The following CEP89 variants were observed in gnomAD, a reference collection of about 807,000 sequenced individuals.
The protein encoded by CEP89 is centrosomal protein of 89 kDa.
In CEP89, 95 loss-of-function variants were observed where a neutral mutation model predicts 97.6. That is an observed-to-expected ratio of 0.97 (90% CI 0.82 to 1.15). The LOEUF is 1.15. Ranked by LOEUF, CEP89 falls within the 50% of genes most tolerant of loss-of-function variation. CEP89 has a pLI of 0.00. For missense variants in CEP89, 869 were observed against 947.7 expected, an observed-to-expected ratio of 0.92 and a Z score of 1.09; for synonymous variants, 354 against 349.1, an observed-to-expected ratio of 1.01 and a Z score of -0.16.
At chr19:32,912,552 A>G (rs1970023283) in intron 14 of CEP89, among the ~76,000 whole-genome samples, 1 of 152,096 alleles carries the variant, frequency 6.6e-6, no homozygotes, top group Admixed American at 6.6e-5. Flanking sequence ...GTGTGAGCCA[A>G]TTTTTAAAAG....
At chr19:32,952,480 TTTAA>T (rs1271806347) in intron 4 of CEP89, among the ~76,000 whole-genome samples, 1 of 138,884 alleles carries the variant, frequency 7.2e-6, no homozygotes, top group East Asian at 2.2e-4. Context: ...CCCATCTCAA[TTTAA>T]AAAAAAAAAA....
At chr19:32,949,867 G>A (rs920809272) in intron 4 of CEP89, among the ~76,000 whole-genome samples, 2 of 152,124 alleles carry the variant, frequency 1.3e-5, no homozygotes, top group African/African-American at 4.8e-5. Context: ...CTAGCAAGAC[G>A]CCCATGAGAA....
chr19:32,888,916 T>C (rs1402476931), intron 16 of CEP89, among the ~76,000 whole-genome samples: 1 of 151,878 alleles, frequency 6.6e-6, no homozygotes, highest in Non-Finnish European at 1.5e-5. Context: ...CTCAAGAGAT[T>C]CTCCTGCCTC....
At chr19:32,951,549 ACACACACACACACACACG>A (rs1970918056) in intron 4 of CEP89, among the ~76,000 whole-genome samples, 1 of 150,616 alleles carries the variant, frequency 6.6e-6, no homozygotes, top group Non-Finnish European at 1.5e-5. Context: ...ACACACACAC[ACACACACACACACACACG>A]CACACTACTA....
chr19:32,949,337 AG>A (rs1970863555), intron 4 of CEP89, among the ~76,000 whole-genome samples: 2 of 152,140 alleles, frequency 1.3e-5, no homozygotes, highest in African/African-American at 4.8e-5. Context: ...GCCTGGGGGT[AG>A]GGACAGAGGC....
chr19:32,929,314 A>G (rs1970422532), intron 9 of CEP89, among the ~76,000 whole-genome samples: 1 of 152,144 alleles, frequency 6.6e-6, no homozygotes, highest in Non-Finnish European at 1.5e-5. Flanking sequence ...TTTAAAAGAG[A>G]GAGAGGGCCG....
chr19:32,950,184 A>G (rs1456294700), intron 4 of CEP89, among the ~76,000 whole-genome samples: 1 of 152,090 alleles, frequency 6.6e-6, no homozygotes, highest in African/African-American at 2.4e-5. Flanking sequence ...TCCCAGGAAC[A>G]AACTTCCTTG....
intron 5 of CEP89, among the ~76,000 whole-genome samples, chr19:32,946,964 G>A (rs1970810677): frequency 6.6e-6 from 1 of 151,960 alleles, no homozygotes; most frequent in Admixed American, 6.6e-5. Context: ...TATTACTTTT[G>A]TAATTTAAAA....
chr19:32,918,878 C>CTTTTCTT lies in CEP89; in HGVS notation c.1269-540_1269-539insAAGAAAA, dbSNP rs1568559832. Among the ~76,000 whole-genome samples, 4 of 110,844 alleles carry CTTTTCTT rather than the reference C, an allele frequency of 3.6e-5. 1 individual carries two copies. The highest frequency in any genetic ancestry group is 5.8e-5 in the Non-Finnish European group (3 of 51,488). 72.7% of individuals were successfully genotyped at this position (110,844 alleles called of 152,430 possible). A position where few individuals can be genotyped will look rare whatever the true frequency, so the allele number is the denominator to read the frequency against. ...GGTTTCTTTTTTCTTTTTTCTTTTT[C>CTTTTCTT]TTTTTCTTTTTTTTTTTTTTTTTTG... On this transcript the variant is annotated intron_variant, in intron 12 of 18. Coordinates refer to ENST00000305768, the MANE Select transcript of CEP89 (RefSeq NM_032816.5).
chr19:32,966,262 C>T lies in CEP89; in HGVS notation c.146+98G>A, dbSNP rs1384185843. On this transcript the variant is annotated intron_variant, in intron 2 of 18. Coordinates refer to ENST00000305768, the MANE Select transcript of CEP89 (RefSeq NM_032816.5). Reference sequence around the variant, plus strand: ...TTTGAAGGACATGATTCTAACCACCCTACTTATACTTTTCTGGGCAGTTTG... The same window carrying T: ...TTTGAAGGACATGATTCTAACCACCTTACTTATACTTTTCTGGGCAGTTTG... 3.9e-6 allele frequency: 2 copies of T among 513,728 alleles called. No individual in the cohort carries two copies. Among genetic ancestry groups the T allele is most frequent in the African/African-American group, 3.9e-5 (2 of 50,712 alleles). 31.8% of individuals were successfully genotyped at this position (513,728 alleles called of 1,614,324 possible).
chr19:32,897,810 C>T (rs937928587), intron 16 of CEP89, among the ~76,000 whole-genome samples: 1 of 152,174 alleles, frequency 6.6e-6, no homozygotes, highest in Non-Finnish European at 1.5e-5. Flanking sequence ...GATCCTCCCA[C>T]CTCAGTTTCT....
At chr19:32,906,638 G>C (rs1012985231) in intron 14 of CEP89, among the ~76,000 whole-genome samples, 3 of 151,458 alleles carry the variant, frequency 2.0e-5, no homozygotes, top group Admixed American at 2.0e-4. Context: ...CCCCTCCTCA[G>C]GGGCCTCCCT....
Position 32,926,859 on chromosome 19 carries a change from G to A in CEP89, c.1080+75C>T, listed in dbSNP as rs971067960. ...TTACAGACATGAGCCACCGCGCCTG[G>A]CCTGAAATGGTTTTTAATAGCTATG... On this transcript the variant is annotated intron_variant, in intron 10 of 18. Transcript: ENST00000305768. 1.2e-5 allele frequency: 16 copies of A among 1,322,638 alleles called. No homozygotes were observed. The African/African-American group carries it at 1.5e-4, about 12-fold the overall frequency. The allele number at this position is 1,322,638 out of a possible 1,614,324, so 81.9% of individuals were successfully genotyped here. A position where few individuals can be genotyped will look rare whatever the true frequency, so the allele number is the denominator to read the frequency against.
chr19:32,902,002 C>CTGTGTG (rs1471468250), intron 14 of CEP89, among the ~76,000 whole-genome samples: 3 of 104,974 alleles, frequency 2.9e-5, no homozygotes, highest in Admixed American at 2.5e-4. Context: ...CTCTGTCTCT[C>CTGTGTG]TCTCTCTCTG....
chr19:32,880,500 G>A (rs952294926), intron 18 of CEP89, among the ~76,000 whole-genome samples: 1 of 152,034 alleles, frequency 6.6e-6, no homozygotes, highest in African/African-American at 2.4e-5. Context: ...CTGGGCCCAC[G>A]TGGTGGCATG....
At chr19:32,927,040 A>G in intron 9 of CEP89, 56 bp from the exon 10 acceptor site, 1 of 1,473,176 alleles carries the variant, frequency 6.8e-7, no homozygotes, top group Middle Eastern at 1.7e-4. Flanking sequence ...CTGAATTTTC[A>G]AGTCTTAGAT....
At chr19:32,890,027 C>T (rs180719135) in intron 16 of CEP89, among the ~76,000 whole-genome samples, 3 of 152,254 alleles carry the variant, frequency 2.0e-5, no homozygotes, top group African/African-American at 7.2e-5. Flanking sequence ...AAATTGCTTT[C>T]TGGAAGGCTC....
At chr19:32,962,895 G>A (rs1316012677) in intron 2 of CEP89, among the ~76,000 whole-genome samples, 3 of 152,030 alleles carry the variant, frequency 2.0e-5, no homozygotes, top group Non-Finnish European at 4.4e-5. Flanking sequence ...TGAGTCCAAC[G>A]GCCTTCCCAA....
At chr19:32,948,469 A>C (rs1970844532) in intron 4 of CEP89, 101 bp from the exon 5 acceptor site, 2 of 636,878 alleles carry the variant, frequency 3.1e-6, no homozygotes, top group Non-Finnish European at 5.3e-6. Context: ...AACCTTCCCC[A>C]CTGGGAGCTT....
Sources: allele counts gnomAD v4.1 joint callset (sites outside exome capture counted in the v4.1 genomes callset), GRCh38; gene constraint gnomAD v4.1.1; transcripts MANE v1.5; gene names NCBI Gene and HGNC (gene_info 2026-07-23, HGNC 2026-07-21).